Variants in WNT9A observed in about 807,000 individuals in gnomAD.
The protein encoded by WNT9A is Wnt family member 9A, also known as protein Wnt-9a.
A neutral mutation model predicts 31.4 loss-of-function variants in WNT9A; 8 were observed. The ratio of observed to expected loss-of-function variants is 0.26; its 90% confidence interval spans 0.15 to 0.46. The LOEUF (loss-of-function observed/expected upper bound fraction) is 0.46, where lower values mean the gene tolerates loss of function less well. Ranked by LOEUF, WNT9A falls within the 20% of genes least tolerant of loss-of-function variation. WNT9A has a pLI of 0.99. For missense variants in WNT9A, 457 were observed against 522.9 expected (o/e 0.87, Z 1.23); for synonymous variants, 236 against 220.1 (o/e 1.07, Z -0.64).
At chr1:227,939,872 G>A (rs1049923831) in intron 1 of WNT9A, among the ~76,000 whole-genome samples, 7 of 152,284 alleles carry the variant, frequency 4.6e-5, no homozygotes, top group Non-Finnish European at 4.4e-5. Context: ...CACCCTCCCC[G>A]TGGTCTGCAA....
intron 2 of WNT9A, among the ~76,000 whole-genome samples, chr1:227,924,648 G>A (rs371722889): frequency 2.0e-5 from 3 of 152,170 alleles, no homozygotes; most frequent in Non-Finnish European, 4.4e-5. Flanking sequence ...CTCCGGCTCC[G>A]TGGTCACAGT....
Position 227,931,880 on chromosome 1 carries a change from C to CT in WNT9A, c.96-6362dup, listed in dbSNP as rs33949354. 7.2e-3 allele frequency among the ~76,000 whole-genome samples: 1,021 copies of CT among 142,568 alleles called. 15 individuals are homozygous for CT. The highest frequency in any genetic ancestry group is 0.02 in the African/African-American group (759 of 38,758). The allele number at this position is 142,568 out of a possible 152,430, so 93.5% of individuals were successfully genotyped here. A position where few individuals can be genotyped will look rare whatever the true frequency, so the allele number is the denominator to read the frequency against. On this transcript the variant is annotated intron_variant, in intron 1 of 3. Coordinates refer to ENST00000272164, the MANE Select transcript of WNT9A (RefSeq NM_003395.4). Reference sequence around the variant, plus strand: ...AAGTTTGGGGTGGCTGTGGAAATGTCTTTTTTTTTTTTTTGTATCTTTAGT... The same window carrying CT: ...AAGTTTGGGGTGGCTGTGGAAATGTCTTTTTTTTTTTTTTTGTATCTTTAGT...
chr1:227,945,926 G>A (rs1331947978), intron 1 of WNT9A, among the ~76,000 whole-genome samples: 1 of 152,192 alleles, frequency 6.6e-6, no homozygotes, highest in East Asian at 1.9e-4. Context: ...GGTTCAGGAA[G>A]GTGCTCATTC....
In WNT9A at chr1:227,921,856, C is replaced by T. The variant is rs747777996; in HGVS notation, c.760G>A (p.Gly254Ser). ...KHKYETALKV[G>S]STTNEAAGEA... The stretch of plus-strand genomic sequence containing the variant: ...CCGGCAGCTTCATTGGTGGTGCTGC[C>T]CACCTTGAGTGCCGTCTCATACTTG... Residue 254 changes from glycine (G) to serine (S), a missense_variant, in exon 4 of 4, where the codon GGC becomes AGC. Coordinates refer to ENST00000272164, the MANE Select transcript of WNT9A (RefSeq NM_003395.4). 4 of 1,613,030 alleles carry T rather than the reference C, an allele frequency of 2.5e-6. No individual in the cohort carries two copies. The highest frequency in any genetic ancestry group is 3.4e-6 in the Non-Finnish European group (4 of 1,179,946).
At chr1:227,940,128 T>TC (rs1666668462) in intron 1 of WNT9A, among the ~76,000 whole-genome samples, 1 of 149,720 alleles carries the variant, frequency 6.7e-6, no homozygotes. Flanking sequence ...CCCTGCCCTG[T>TC]CTGTGTCTGC....
At chr1:227,943,195 T>C (rs1483107796) in intron 1 of WNT9A, among the ~76,000 whole-genome samples, 1 of 152,178 alleles carries the variant, frequency 6.6e-6, no homozygotes, top group Admixed American at 6.5e-5. Flanking sequence ...GAGAGTCCCC[T>C]GAGCACCCAG....
In WNT9A at chr1:227,919,613, C is replaced by T. The variant is rs889318592; in HGVS notation, c.*1905G>A. ...GACACCCACAAGACGGAGCCCAGGG[C>T]GAGAGGCTCTGGGAACCTAAGGCAC... On this transcript the variant is annotated 3_prime_UTR_variant, in exon 4 of 4. Coordinates refer to ENST00000272164, the MANE Select transcript of WNT9A (RefSeq NM_003395.4). The T allele has an allele frequency of 3.3e-5, 5 of 151,698 alleles. No individual in the cohort carries two copies. The highest frequency in any genetic ancestry group is 7.3e-5 in the African/African-American group (3 of 41,202). 9.4% of individuals were successfully genotyped at this position (151,698 alleles called of 1,614,324 possible).
rs79676843 is a variant in WNT9A at position 227,939,008 on chromosome 1, G to A, written c.95+8785C>T. ...GACTGCTCTCCCCGGTGAAGGGCCCGGATGACGACGGCTCCACGGGACACC... is the reference window on the plus strand; with the variant it reads ...GACTGCTCTCCCCGGTGAAGGGCCCAGATGACGACGGCTCCACGGGACACC... On this transcript the variant is annotated intron_variant, in intron 1 of 3. Transcript: ENST00000272164. 2.4e-3 allele frequency among the ~76,000 whole-genome samples: 360 copies of A among 152,296 alleles called. 5 individuals are homozygous for A. In the East Asian group the frequency reaches 0.037, roughly 16 times the overall value.
In WNT9A at chr1:227,921,261, G is replaced by A. The variant is rs537362801; in HGVS notation, c.*257C>T. ...GCCCAGGGATTCAGCCTTGGCAGGTGTAGGCCCATTCATGCTCTGTGCAAT... is the reference window on the plus strand; with the variant it reads ...GCCCAGGGATTCAGCCTTGGCAGGTATAGGCCCATTCATGCTCTGTGCAAT... On this transcript the variant is annotated 3_prime_UTR_variant, in exon 4 of 4. Coordinates refer to ENST00000272164, the MANE Select transcript of WNT9A (RefSeq NM_003395.4). 22 of 532,246 alleles carry A rather than the reference G, an allele frequency of 4.1e-5. No homozygotes were observed. The East Asian group carries it at 6.2e-4, about 15-fold the overall frequency. The allele number at this position is 532,246 out of a possible 1,614,324, so 33.0% of individuals were successfully genotyped here. A position where few individuals can be genotyped will look rare whatever the true frequency, so the allele number is the denominator to read the frequency against.
In WNT9A at chr1:227,926,453, G is replaced by T. The variant is rs969461379; in HGVS notation, c.96-934C>A. 6.6e-6 allele frequency among the ~76,000 whole-genome samples: 1 copy of T among 151,774 alleles called. No individual in the cohort carries two copies. The highest frequency in any genetic ancestry group is 2.0e-4 in the East Asian group (1 of 5,112). Reference sequence around the variant, plus strand: ...GCCCTGGCCCAGCCCAGCCCATATCGAGTCAAGAGCCCTCAACCCCAAACC... The same window carrying T: ...GCCCTGGCCCAGCCCAGCCCATATCTAGTCAAGAGCCCTCAACCCCAAACC... On this transcript the variant is annotated intron_variant, in intron 1 of 3. Transcript: ENST00000272164. The surrounding 1 kb of genome is among the most constrained non-coding windows in gnomAD (Gnocchi z 5.0).
At chr1:227,922,581 G>A (rs558184278) in intron 3 of WNT9A, among the ~76,000 whole-genome samples, 48 of 152,324 alleles carry the variant, frequency 3.2e-4, no homozygotes, top group Middle Eastern at 3.4e-3. Flanking sequence ...GGAGGCCCAC[G>A]CTGCAGGGGA....
chr1:227,921,633 T>C lies in WNT9A; in HGVS notation c.983A>G (p.His328Arg). The change falls in exon 4 of 4, where the codon CAT becomes CGT. Residue 328 changes from histidine to arginine, a missense_variant. Physicochemically the swap from His to Arg is conservative, Grantham distance 29. Coordinates refer to ENST00000272164, the MANE Select transcript of WNT9A (RefSeq NM_003395.4). ...NCESICCGRG[H>R]NTQSRVVTRP... ...TGTCACCACCCGGCTCTGTGTGTTA[T>C]GGCCGCGGCCACAGCAGATGCTCTC... 1 of 1,613,386 alleles carries C rather than the reference T, an allele frequency of 6.2e-7. No individual in the cohort carries two copies. Among genetic ancestry groups the C allele is most frequent in the Non-Finnish European group, 8.5e-7 (1 of 1,179,984 alleles).
intron 3 of WNT9A, among the ~76,000 whole-genome samples, chr1:227,923,006 C>T (rs888159606): frequency 2.6e-5 from 4 of 152,152 alleles, no homozygotes; most frequent in South Asian, 2.1e-4. Context: ...CTTCATGTTC[C>T]GACTTCTCAT....
Position 227,939,014 on chromosome 1 carries a change from C to T in WNT9A, c.95+8779G>A, listed in dbSNP as rs559081155. ...TCTCCCCGGTGAAGGGCCCGGATGACGACGGCTCCACGGGACACCCATACC... is the reference window on the plus strand; with the variant it reads ...TCTCCCCGGTGAAGGGCCCGGATGATGACGGCTCCACGGGACACCCATACC... On this transcript the variant is annotated intron_variant, in intron 1 of 3. Transcript: ENST00000272164. Among the ~76,000 whole-genome samples the T allele has an allele frequency of 2.4e-4, 37 of 152,308 alleles. No individual in the cohort carries two copies. The East Asian group carries it at 5.0e-3, about 21-fold the overall frequency.
In WNT9A at chr1:227,920,462, TAATCA is replaced by T. The variant is rs1420057158; in HGVS notation, c.*1051_*1055del. On this transcript the variant is annotated 3_prime_UTR_variant, in exon 4 of 4. Transcript: ENST00000272164. ...AATAATAATTATTATATTAGTTAAA[TAATCA>T]TAATAATTTAAAAGTCACTGATATT... The T allele has an allele frequency of 3.9e-5, 6 of 152,274 alleles. No homozygotes were observed. The highest frequency in any genetic ancestry group is 3.4e-3 in the Middle Eastern group (1 of 294). The allele number at this position is 152,274 out of a possible 1,614,324, so 9.4% of individuals were successfully genotyped here. A position where few individuals can be genotyped will look rare whatever the true frequency, so the allele number is the denominator to read the frequency against.
At chr1:227,933,802 T>G (rs1423799920) in intron 1 of WNT9A, among the ~76,000 whole-genome samples, 1 of 152,186 alleles carries the variant, frequency 6.6e-6, no homozygotes, top group Non-Finnish European at 1.5e-5. Flanking sequence ...CACTGCAAGA[T>G]TCGCTGTGAA....
chr1:227,944,302 C>T (rs1000083639), intron 1 of WNT9A, among the ~76,000 whole-genome samples: 3 of 152,160 alleles, frequency 2.0e-5, no homozygotes, highest in Non-Finnish European at 2.9e-5. Context: ...TTCTAGGAAA[C>T]GTCCAGGACA....
In WNT9A at chr1:227,926,671, G is replaced by A. The variant is rs1247936877; in HGVS notation, c.96-1152C>T. Among the ~76,000 whole-genome samples, 1 of 151,878 alleles carries A rather than the reference G, an allele frequency of 6.6e-6. No individual in the cohort carries two copies. The highest frequency in any genetic ancestry group is 6.6e-5 in the Admixed American group (1 of 15,264). ...ACCCACCTGGACAGGGCCAGGGCTTGGAGGCCCCTCCTGAAAGCATCACTG... is the reference window on the plus strand; with the variant it reads ...ACCCACCTGGACAGGGCCAGGGCTTAGAGGCCCCTCCTGAAAGCATCACTG... On this transcript the variant is annotated intron_variant, in intron 1 of 3. Coordinates refer to ENST00000272164, the MANE Select transcript of WNT9A (RefSeq NM_003395.4). The surrounding 1 kb of genome is among the most constrained non-coding windows in gnomAD (Gnocchi z 5.0).
rs1297648369 is a variant in WNT9A at position 227,942,306 on chromosome 1, G to C, written c.95+5487C>G. Among the ~76,000 whole-genome samples, 1 of 152,152 alleles carries C rather than the reference G, an allele frequency of 6.6e-6. No homozygotes were observed. Among genetic ancestry groups the C allele is most frequent in the African/African-American group, 2.4e-5 (1 of 41,430 alleles). On this transcript the variant is annotated intron_variant, in intron 1 of 3. Transcript: ENST00000272164. This position sits in a 1 kb window ranked among gnomAD's most constrained non-coding sequence, Gnocchi z 5.7. ...TCCAGGGAGCCAGGACCCCCAAGCAGGTGGGGCAGGGAGAGGCTGGGGGTT... is the reference window on the plus strand; with the variant it reads ...TCCAGGGAGCCAGGACCCCCAAGCACGTGGGGCAGGGAGAGGCTGGGGGTT...
Sources: allele counts gnomAD v4.1 joint callset (sites outside exome capture counted in the v4.1 genomes callset), GRCh38; gene constraint gnomAD v4.1.1; non-coding constraint Gnocchi (gnomAD v3.1); transcripts MANE v1.5; gene names NCBI Gene and HGNC (gene_info 2026-07-23, HGNC 2026-07-21).